The following INTS15 variants were observed in gnomAD, a reference collection of about 807,000 sequenced individuals.
INTS15 encodes uncharacterized protein C7orf26.
the INTS15 span, among the ~76,000 whole-genome samples, chr7:6,595,679 A>T: frequency 1.3e-5 from 2 of 151,732 alleles, no homozygotes; most frequent in African/African-American, 2.4e-5. Context: ...ACTTTCTTTA[A>T]TTTTTTTTAC....
At chr7:6,591,511 A>C in the INTS15 span, 1 of 692,294 alleles carries the variant, frequency 1.4e-6, no homozygotes, top group Non-Finnish European at 2.5e-6. Context: ...TGATTCGCCC[A>C]CCTTGGCCTC....
At chr7:6,592,438 G>A in the INTS15 span, among the ~76,000 whole-genome samples, 2 of 150,142 alleles carry the variant, frequency 1.3e-5, no homozygotes, top group Non-Finnish European at 1.5e-5. Flanking sequence ...GTGGTAGCAC[G>A]CGCCTGTGGT....
the INTS15 span, chr7:6,591,804 G>A: frequency 6.2e-7 from 1 of 1,614,112 alleles, no homozygotes; most frequent in Admixed American, 1.7e-5. Flanking sequence ...TGGGAAAACT[G>A]GTCTCCATGG....
At chr7:6,600,373 C>A in the INTS15 span, 1 of 1,599,582 alleles carries the variant, frequency 6.3e-7, no homozygotes, top group Non-Finnish European at 8.5e-7. Flanking sequence ...GCCTCCCTGG[C>A]CCAGGCCTCC....
the INTS15 span, among the ~76,000 whole-genome samples, chr7:6,605,918 C>T: frequency 4.0e-4 from 61 of 151,686 alleles, no homozygotes; most frequent in African/African-American, 1.4e-3. Flanking sequence ...AGGCTGGCCT[C>T]GAACTCCTGA....
chr7:6,608,258 C>T, the INTS15 span: 4 of 1,488,608 alleles, frequency 2.7e-6, no homozygotes, highest in Admixed American at 4.5e-5. Context: ...GGGAAGGGGT[C>T]GGGCAGCCCC....
At chr7:6,607,095 T>TG in the INTS15 span, among the ~76,000 whole-genome samples, 1 of 148,590 alleles carries the variant, frequency 6.7e-6, no homozygotes, top group Admixed American at 6.7e-5. This position sits in a 1 kb window ranked among gnomAD's most constrained non-coding sequence, Gnocchi z 6.0. Context: ...GAGCTGGGGG[T>TG]GATGAGCCAA....
At chr7:6,590,319 T>C in the INTS15 span, 125 of 1,590,804 alleles carry the variant, frequency 7.9e-5, no homozygotes, top group Non-Finnish European at 1.1e-4. Flanking sequence ...TGCGCCGCGA[T>C]GCGCTGAGCG....
At chr7:6,599,373 G>C in the INTS15 span, among the ~76,000 whole-genome samples, 1 of 151,960 alleles carries the variant, frequency 6.6e-6, no homozygotes, top group Non-Finnish European at 1.5e-5. Flanking sequence ...CCAGATCACT[G>C]ACAGGACTCT....
chr7:6,594,632 A>G, the INTS15 span: 3 of 1,605,380 alleles, frequency 1.9e-6, 1 homozygote, highest in South Asian at 2.2e-5. Context: ...TCTATGGAAG[A>G]AGCTTCAGTC....
the INTS15 span, chr7:6,607,980 C>T: frequency 1.0e-5 from 16 of 1,600,004 alleles, no homozygotes; most frequent in Middle Eastern, 2.2e-4. This position sits in a 1 kb window ranked among gnomAD's most constrained non-coding sequence, Gnocchi z 6.0. Flanking sequence ...CTGGTGATCT[C>T]GGGTCCCGTG....
the INTS15 span, chr7:6,590,213 G>A: frequency 7.6e-7 from 1 of 1,316,226 alleles, no homozygotes; most frequent in Non-Finnish European, 9.8e-7. Context: ...TGTTTCCACG[G>A]GTAGCGGCGC....
chr7:6,592,498 C>T, the INTS15 span, among the ~76,000 whole-genome samples: 7 of 150,714 alleles, frequency 4.6e-5, no homozygotes, highest in African/African-American at 1.5e-4. Context: ...ATATGGGAGG[C>T]GGAGGTTGCC....
the INTS15 span, among the ~76,000 whole-genome samples, chr7:6,594,070 G>A: frequency 4.1e-5 from 6 of 144,620 alleles, no homozygotes; most frequent in Admixed American, 2.9e-4. Flanking sequence ...GTGCAGTGGT[G>A]TGATCTTGGC....
the INTS15 span, chr7:6,594,362 CTG>C: frequency 1.3e-6 from 2 of 1,489,522 alleles, no homozygotes; most frequent in African/African-American, 1.4e-5. Flanking sequence ...GAGGTGGTCA[CTG>C]TGTGTGCATA....
chr7:6,590,484 T>C, the INTS15 span: 1 of 1,565,734 alleles, frequency 6.4e-7, no homozygotes, highest in Admixed American at 1.8e-5. Flanking sequence ...AGGTGCGGCC[T>C]GAGACGGTCG....
At chr7:6,602,066 G>A in the INTS15 span, 2 of 1,599,820 alleles carry the variant, frequency 1.3e-6, no homozygotes, top group South Asian at 1.1e-5. Context: ...GTTGTCTCCA[G>A]TATGTTCATT....
At chr7:6,596,649 G>C in the INTS15 span, among the ~76,000 whole-genome samples, 7 of 152,162 alleles carry the variant, frequency 4.6e-5, no homozygotes, top group African/African-American at 7.2e-5. Flanking sequence ...AAAGTGCTGA[G>C]ATTACAGGTG....
At chr7:6,608,199 A>C in the INTS15 span, 4 of 1,535,102 alleles carry the variant, frequency 2.6e-6, no homozygotes, top group Non-Finnish European at 3.5e-6. Flanking sequence ...TCGCTGGACG[A>C]AGCCTTTCGA....
Sources: allele counts gnomAD v4.1 joint callset (sites outside exome capture counted in the v4.1 genomes callset), GRCh38; gene constraint gnomAD v4.1.1; non-coding constraint Gnocchi (gnomAD v3.1); transcripts MANE v1.5; gene names NCBI Gene and HGNC (gene_info 2026-07-23, HGNC 2026-07-21).